TUSC3: variants seen among roughly 807,000 people sequenced by gnomAD.
TUSC3 encodes the protein tumor suppressor candidate 3, also known as dolichyl-diphosphooligosaccharide--protein glycosyltransferase subunit TUSC3.
In TUSC3, 45 loss-of-function variants were observed where a neutral mutation model predicts 44.8. The ratio of observed to expected loss-of-function variants is 1.00; its 90% CI spans 0.79 to 1.29. The LOEUF (loss-of-function observed/expected upper bound fraction) is 1.29. TUSC3 is among the 50% of genes most tolerant of loss of function. TUSC3 has a pLI of 0.00. For missense variants in TUSC3, 519 were observed against 437.9 expected (o/e 1.19, Z -1.65); for synonymous variants, 212 against 152.9 (o/e 1.39, Z -2.85).
chr8:15,814,206 T>C, the TUSC3 span, among the ~76,000 whole-genome samples: 1 of 152,184 alleles, frequency 6.6e-6, no homozygotes, highest in South Asian at 2.1e-4. Flanking sequence ...TTACCTGTAG[T>C]TATATTCAGT....
intron 4 of TUSC3, among the ~76,000 whole-genome samples, chr8:15,661,310 T>C (rs780008518): frequency 6.6e-6 from 1 of 152,056 alleles, no homozygotes; most frequent in African/African-American, 2.4e-5. Flanking sequence ...GAGTTAGATA[T>C]TTCATTTAAT....
intron 6 of TUSC3, among the ~76,000 whole-genome samples, chr8:15,715,117 A>G (rs951901249): frequency 2.0e-5 from 3 of 152,122 alleles, no homozygotes; most frequent in Non-Finnish European, 4.4e-5. Flanking sequence ...TGATAATTAA[A>G]TTAAATAATC....
intron 1 of TUSC3, among the ~76,000 whole-genome samples, chr8:15,603,194 C>A (rs1036974740): frequency 6.6e-6 from 1 of 151,392 alleles, no homozygotes; most frequent in African/African-American, 2.4e-5. Flanking sequence ...AAAAGAGAAC[C>A]CAATTGAAAA....
chr8:15,807,983 C>T, the TUSC3 span, among the ~76,000 whole-genome samples: 2 of 78,902 alleles, frequency 2.5e-5, no homozygotes, highest in African/African-American at 9.4e-5. Flanking sequence ...AACCATGTCA[C>T]ATACCTGTAT....
At position 15,649,986 on chromosome 8, in the gene TUSC3, C is replaced by A. The variant is rs183059513; in HGVS notation, c.309-711C>A. Among the ~76,000 whole-genome samples the A allele has an allele frequency of 1.7e-4, 26 of 152,206 alleles. No individual in the cohort carries two copies. The East Asian group carries it at 3.9e-3, about 23-fold the overall frequency. On this transcript the variant is annotated intron_variant, in intron 2 of 10. Transcript: ENST00000503731. ...TGCATTTACATCCTCCTATAAATGC[C>A]ATTTTTCTGTTTCTTCTCTGTTCCT...
At chr8:15,768,881 A>G (rs2129226950), downstream of TUSC3, among the ~76,000 whole-genome samples, 1 of 152,308 alleles carries the variant, frequency 6.6e-6, no homozygotes, top group South Asian at 2.1e-4. Context: ...AGGGATGCGA[A>G]GGACCTCTTC....
At chr8:15,451,449 A>T (rs994431489) in intron 1 of TUSC3, among the ~76,000 whole-genome samples, 1 of 152,150 alleles carries the variant, frequency 6.6e-6, no homozygotes, top group Admixed American at 6.5e-5. Flanking sequence ...TGATTTAACC[A>T]ATCATGGCTA....
intron 9 of TUSC3, among the ~76,000 whole-genome samples, chr8:15,754,316 A>G (rs1438619074): frequency 8.6e-6 from 1 of 115,840 alleles, no homozygotes; most frequent in Non-Finnish European, 2.1e-5. Context: ...GAACCACTCC[A>G]ACCATCCAAG....
At chr8:15,634,502 G>C (rs1431260568) in intron 2 of TUSC3, among the ~76,000 whole-genome samples, 1 of 152,188 alleles carries the variant, frequency 6.6e-6, no homozygotes, top group Non-Finnish European at 1.5e-5. Context: ...TTGCATGAAA[G>C]CTGGGGTCTT....
chr8:15,654,452 A>G (rs1807061681), intron 3 of TUSC3, among the ~76,000 whole-genome samples: 1 of 152,212 alleles, frequency 6.6e-6, no homozygotes, highest in Non-Finnish European at 1.5e-5. Flanking sequence ...TATTAGATAC[A>G]TTAGAGATAT....
chr8:15,524,735 C>G (rs945672042), intron 2 of TUSC3, among the ~76,000 whole-genome samples: 2 of 152,176 alleles, frequency 1.3e-5, no homozygotes, highest in Admixed American at 6.5e-5. Context: ...TGGTAAAACT[C>G]TTTTCACTGT....
intron 1 of TUSC3, among the ~76,000 whole-genome samples, chr8:15,608,268 C>G (rs1459807179): frequency 6.6e-6 from 1 of 151,984 alleles, no homozygotes; most frequent in Non-Finnish European, 1.5e-5. Flanking sequence ...CTCTCTTTTC[C>G]ATGAGTGTTT....
At position 15,433,259 on chromosome 8, in the gene TUSC3, A is replaced by G. The variant is rs555294064; in HGVS notation, n.91+15954A>G. 2.0e-5 allele frequency among the ~76,000 whole-genome samples: 3 copies of G among 152,312 alleles called. No homozygotes were observed. In the South Asian group the frequency reaches 6.2e-4, roughly 32 times the overall value. ...TCCCCCATATATTTAAAAAAACAAC[A>G]TAGTTCACGTGTAGACTGGAACATG... On this transcript the variant is annotated intron_variant and non_coding_transcript_variant, in intron 1 of 5. Transcript: ENST00000503191.
chr8:15,486,597 A>G (rs1322639646), intron 2 of TUSC3, among the ~76,000 whole-genome samples: 1 of 152,086 alleles, frequency 6.6e-6, no homozygotes, highest in African/African-American at 2.4e-5. Flanking sequence ...GGCGCCCGCC[A>G]CCATGCCCTG....
At chr8:15,568,603 T>G (rs1302903849) in intron 1 of TUSC3, among the ~76,000 whole-genome samples, 1 of 151,364 alleles carries the variant, frequency 6.6e-6, no homozygotes, top group East Asian at 1.9e-4. Flanking sequence ...AATACACAAA[T>G]TCTTTTTTTT....
At chr8:15,639,748 T>C (rs1361244769) in intron 2 of TUSC3, among the ~76,000 whole-genome samples, 1 of 150,704 alleles carries the variant, frequency 6.6e-6, no homozygotes, top group Non-Finnish European at 1.5e-5. Flanking sequence ...CAGACCTTAG[T>C]CCTCAAATAA....
At chr8:15,642,650 G>A (rs1806428940) in intron 2 of TUSC3, among the ~76,000 whole-genome samples, 1 of 152,144 alleles carries the variant, frequency 6.6e-6, no homozygotes. Context: ...TAAGATGTGA[G>A]TTAACGCTTT....
intron 2 of TUSC3, among the ~76,000 whole-genome samples, chr8:15,637,529 T>G (rs1806136979): frequency 6.6e-6 from 1 of 152,212 alleles, no homozygotes; most frequent in South Asian, 2.1e-4. Context: ...AGTATTTTGT[T>G]TCAGTTTTCT....
the TUSC3 span, among the ~76,000 whole-genome samples, chr8:15,813,547 G>C: frequency 6.6e-6 from 1 of 152,124 alleles, no homozygotes; most frequent in African/African-American, 2.4e-5. Flanking sequence ...GCAATGGGAA[G>C]ATACTGTAAA....
Sources: allele counts gnomAD v4.1 joint callset (sites outside exome capture counted in the v4.1 genomes callset), GRCh38; gene constraint gnomAD v4.1.1; transcripts MANE v1.5; gene names NCBI Gene and HGNC (gene_info 2026-07-23, HGNC 2026-07-21).